Variants in PDE4D observed in about 807,000 individuals in gnomAD.
The protein encoded by PDE4D is phosphodiesterase 4D.
A neutral mutation model predicts 87.4 loss-of-function variants in PDE4D; 24 were observed. The observed-to-expected ratio is 0.27, with a 90% confidence interval of 0.20 to 0.39. The LOEUF (loss-of-function observed/expected upper bound fraction) is 0.39, where lower values mean the gene tolerates loss of function less well. Among genes scored for constraint, PDE4D ranks in the 10% least tolerant of loss-of-function variants. PDE4D has a pLI of 1.00. For synonymous variants in PDE4D, 384 were observed against 383.2 expected, an observed-to-expected ratio of 1.00 and a Z score of -0.02; for missense variants, 714 against 1,041.0, an observed-to-expected ratio of 0.69 and a Z score of 4.32.
At chr5:60,480,901 T>C (rs1748680998) in intron 1 of PDE4D, among the ~76,000 whole-genome samples, 1 of 152,188 alleles carries the variant, frequency 6.6e-6, no homozygotes, top group Non-Finnish European at 1.5e-5. Flanking sequence ...AGATTGAGGA[T>C]ATTTTACTCT....
At chr5:59,176,071 T>C (rs1169868587) in intron 5 of PDE4D, among the ~76,000 whole-genome samples, 2 of 152,166 alleles carry the variant, frequency 1.3e-5, no homozygotes, top group South Asian at 2.1e-4. Flanking sequence ...CCACACATCA[T>C]CTTTGTCATA....
chr5:60,304,667 A>G (rs1314680134), intron 1 of PDE4D, among the ~76,000 whole-genome samples: 4 of 150,244 alleles, frequency 2.7e-5, no homozygotes, highest in South Asian at 2.1e-4. Flanking sequence ...AAAAAAAAAA[A>G]AAAAAAAGAA....
Position 59,588,252 on chromosome 5 carries a change from C to T in PDE4D, c.455+304916G>A, listed in dbSNP as rs188517370. Among the ~76,000 whole-genome samples, 78 of 152,268 alleles carry T rather than the reference C, an allele frequency of 5.1e-4. 1 individual carries two copies. The highest frequency in any genetic ancestry group is 5.0e-3 in the Admixed American group (77 of 15,304). The stretch of plus-strand genomic sequence containing the variant: ...GTTTTGCATTTCTTCATGCTTGCTC[C>T]TTTGTTGCAAAAATTCTGTTCAATA... On this transcript the variant is annotated intron_variant, in intron 1 of 14. Coordinates refer to ENST00000340635, the MANE Select transcript of PDE4D (RefSeq NM_001104631.2).
intron 2 of PDE4D, chr5:59,215,362 T>C (rs796498349): frequency 2.4e-5 from 5 of 211,254 alleles, no homozygotes; most frequent in African/African-American, 1.2e-4. Context: ...CAAAATGCTA[T>C]ACAGTCTATT....
chr5:60,464,714 A>G (rs73108674), intron 1 of PDE4D, among the ~76,000 whole-genome samples: 26,556 of 152,158 alleles, frequency 0.17, 3,718 homozygotes, highest in African/African-American at 0.38. Flanking sequence ...CCTCGCCAAG[A>G]GAGAAAATCA....
intron 1 of PDE4D, among the ~76,000 whole-genome samples, chr5:60,427,037 G>A (rs181289626): frequency 4.5e-4 from 68 of 152,152 alleles, no homozygotes; most frequent in South Asian, 1.0e-3. Context: ...AAAATAATCA[G>A]GAAGATGAAC....
intron 1 of PDE4D, among the ~76,000 whole-genome samples, chr5:60,320,283 T>C (rs540546381): frequency 2.6e-5 from 4 of 152,226 alleles, no homozygotes; most frequent in African/African-American, 4.8e-5. Flanking sequence ...CTCTGAGCCA[T>C]GCACGGGATA....
intron 1 of PDE4D, among the ~76,000 whole-genome samples, chr5:59,504,937 T>TGTGTGC (rs1380047028): frequency 7.6e-6 from 1 of 131,824 alleles, no homozygotes; most frequent in East Asian, 2.0e-4. Flanking sequence ...TGTGTGTGTG[T>TGTGTGC]GTGCGTGCGC....
chr5:60,506,463 C>T (rs1009481883), intron 1 of PDE4D, among the ~76,000 whole-genome samples: 2 of 151,906 alleles, frequency 1.3e-5, no homozygotes, highest in East Asian at 1.9e-4. Context: ...CTCTACCTTA[C>T]AAAATTAAAA....
chr5:59,678,814 T>C (rs903423593), intron 1 of PDE4D, among the ~76,000 whole-genome samples: 2 of 152,114 alleles, frequency 1.3e-5, no homozygotes, highest in Non-Finnish European at 2.9e-5. Flanking sequence ...TCATTGACGG[T>C]CAAAATACAT....
At chr5:60,279,669 T>C (rs1038135353) in intron 1 of PDE4D, among the ~76,000 whole-genome samples, 1 of 150,790 alleles carries the variant, frequency 6.6e-6, no homozygotes, top group African/African-American at 2.5e-5. Context: ...ATTGGTATTT[T>C]TGTGTTGTTG....
intron 1 of PDE4D, among the ~76,000 whole-genome samples, chr5:59,360,269 C>A (rs750640272): frequency 2.0e-5 from 3 of 152,106 alleles, no homozygotes; most frequent in Non-Finnish European, 2.9e-5. Flanking sequence ...GAGGGTTGAG[C>A]TGAACTTCAG....
intron 1 of PDE4D, among the ~76,000 whole-genome samples, chr5:60,411,874 T>C (rs1344058890): frequency 6.6e-6 from 1 of 152,212 alleles, no homozygotes; most frequent in Non-Finnish European, 1.5e-5. Flanking sequence ...CCACTGCTAC[T>C]GACCCAACCA....
chr5:60,498,845 A>G (rs988102909), intron 1 of PDE4D, among the ~76,000 whole-genome samples: 1 of 152,166 alleles, frequency 6.6e-6, no homozygotes, highest in African/African-American at 2.4e-5. Context: ...AGCCCAGCAG[A>G]GACTCAAATG....
In PDE4D at chr5:60,338,970, G is replaced by T. The variant is rs200772872; in HGVS notation, c.-90+148972C>A. 1.2e-4 allele frequency among the ~76,000 whole-genome samples: 18 copies of T among 152,232 alleles called. No homozygotes were observed. In the East Asian group the frequency reaches 1.4e-3, roughly 11 times the overall value. On this transcript the variant is annotated intron_variant, in intron 1 of 16. Coordinates refer to the PDE4D transcript ENST00000502484. ...ACTGATAGTACCAAACCTAATTGCG[G>T]TCAATCAGAACACATTTCTGTTTAT...
intron 2 of PDE4D, among the ~76,000 whole-genome samples, chr5:60,050,397 A>G (rs1319268735): frequency 6.6e-6 from 1 of 152,218 alleles, no homozygotes; most frequent in Non-Finnish European, 1.5e-5. Flanking sequence ...CCCCCAGGAA[A>G]AGAATTTTCA....
chr5:60,247,513 G>A (rs556364036), intron 1 of PDE4D, among the ~76,000 whole-genome samples: 32 of 149,750 alleles, frequency 2.1e-4, no homozygotes, highest in Non-Finnish European at 3.8e-4. Flanking sequence ...TCCAAAGCTT[G>A]TTTGATCCCA....
intron 2 of PDE4D, among the ~76,000 whole-genome samples, chr5:60,046,850 T>A (rs1188463404): frequency 6.6e-6 from 1 of 152,032 alleles, no homozygotes; most frequent in Non-Finnish European, 1.5e-5. Flanking sequence ...TGTCTCTGCC[T>A]GGCTTTGGTA....
intron 1 of PDE4D, among the ~76,000 whole-genome samples, chr5:60,300,321 G>A (rs1450775284): frequency 1.3e-5 from 2 of 152,108 alleles, no homozygotes; most frequent in Non-Finnish European, 2.9e-5. Context: ...TGGACAGATT[G>A]CAAAAATTTT....
Sources: allele counts gnomAD v4.1 joint callset (sites outside exome capture counted in the v4.1 genomes callset), GRCh38; gene constraint gnomAD v4.1.1; transcripts MANE v1.5; gene names NCBI Gene and HGNC (gene_info 2026-07-23, HGNC 2026-07-21).